Variants in SERPING1 observed in about 807,000 individuals in gnomAD.
SERPING1 encodes serpin family G member 1.
SERPING1 carries 5 observed loss-of-function variants against 34.1 expected under a neutral mutation model. The ratio of observed to expected loss-of-function variants is 0.15; its 90% confidence interval spans 0.08 to 0.31. The LOEUF is 0.31. Among genes scored for constraint, SERPING1 ranks in the 10% least tolerant of loss-of-function variants. The pLI is 1.00. For missense variants in SERPING1, 505 were observed against 609.5 expected (o/e 0.83, Z 1.81); for synonymous variants, 225 against 242.4 (o/e 0.93, Z 0.67).
At chr11:57,606,679 C>T (rs773504049) in intron 6 of SERPING1, 132 bp downstream of exon 6, 27 of 963,220 alleles carry the variant, frequency 2.8e-5, no homozygotes, top group Non-Finnish European at 4.2e-5. Context: ...TCTGTATTTC[C>T]ACCCTATCTT....
At chr11:57,597,950 A>C in intron 1 of SERPING1, 1 of 351,268 alleles carries the variant, frequency 2.8e-6, no homozygotes, top group South Asian at 5.4e-5. Context: ...CTCTGGCCTC[A>C]TTGTTTGGTT....
chr11:57,600,477 G>A (rs191513311), intron 3 of SERPING1, 100 bp downstream of exon 3: 46 of 1,317,014 alleles, frequency 3.5e-5, no homozygotes, highest in Middle Eastern at 5.1e-4. Flanking sequence ...GGAAGAAGCT[G>A]TAAAAATGGG....
rs201117780 is a variant in SERPING1, at chr11:57,600,105, A to G, written c.278A>G (p.Glu93Gly). 6.3e-7 allele frequency: 1 copy of G among 1,591,762 alleles called. No individual in the cohort carries two copies. The change falls in exon 3 of 8, where the codon GAG becomes GGG. Residue 93 changes from glutamate (E) to glycine (G), a missense_variant. By Grantham distance (98) the Glu-to-Gly change is moderately conservative. Transcript: ENST00000278407. ...TDEPTTQPTT[E>G]PTTQPTIQPT... ...GAACCCACCACACAACCCACCACAGAGCCCACCACCCAACCCACCATCCAA... is the reference window on the plus strand; with the variant it reads ...GAACCCACCACACAACCCACCACAGGGCCCACCACCCAACCCACCATCCAA...
At position 57,606,097 on chromosome 11, in the gene SERPING1, A is replaced by T. The variant is rs1240290746; in HGVS notation, c.773A>T (p.Asn258Ile). ...GTCCTAAGCAACAACAGTGACGCCA[A>T]CTTGGAGCTCATCAACACCTGGGTG... ...PRVLSNNSDANLELINTWVAK... is the reference protein window; with the variant it reads ...PRVLSNNSDAILELINTWVAK... Residue 258 changes from asparagine to isoleucine, a missense_variant, in exon 5 of 8, where the codon AAC becomes ATC. Physicochemically the swap from Asn to Ile is moderately radical, Grantham distance 149. Coordinates refer to ENST00000278407, the MANE Select transcript of SERPING1 (RefSeq NM_000062.3). 1 of 1,614,152 alleles carries T rather than the reference A, an allele frequency of 6.2e-7. No homozygotes were observed. The highest frequency in any genetic ancestry group is 8.5e-7 in the Non-Finnish European group (1 of 1,180,018).
chr11:57,611,476 G>A, intron 6 of SERPING1: 1 of 573,116 alleles, frequency 1.7e-6, no homozygotes, highest in Non-Finnish European at 3.1e-6. Flanking sequence ...CAGTGGTGGA[G>A]TCAGGGTATA....
Position 57,600,397 on chromosome 11 carries a change from C to T in SERPING1, c.550+20C>T, listed in dbSNP as rs1030500450. The T allele has an allele frequency of 1.9e-6, 3 of 1,611,896 alleles. No individual in the cohort carries two copies. Among genetic ancestry groups the T allele is most frequent in the Non-Finnish European group, 2.5e-6 (3 of 1,179,820 alleles). On this transcript the variant is annotated intron_variant, in intron 3 of 7. Transcript: ENST00000278407. ...TGCTCGGTAAGACCCTGCTTGAATT[C>T]TCTCCAGGTCATTTGTTGGACACTC...
chr11:57,598,202 T>TGGGCTCCC (rs1275325362), intron 1 of SERPING1, 47 bp from the exon 2 acceptor site: 4 of 1,481,398 alleles, frequency 2.7e-6, no homozygotes, highest in Non-Finnish European at 9.1e-7. Flanking sequence ...TGGGGGCCCC[T>TGGGCTCCC]GGGCTCCCAG....
intron 3 of SERPING1, 72 bp from the exon 4 acceptor site, chr11:57,601,963 C>T (rs980929108): frequency 1.3e-6 from 2 of 1,591,652 alleles, no homozygotes; most frequent in Non-Finnish European, 1.7e-6. Context: ...CAGCCTGGTC[C>T]CCAACCCTCA....
At chr11:57,613,085 C>T (rs1405826941) in intron 7 of SERPING1, among the ~76,000 whole-genome samples, 3 of 152,174 alleles carry the variant, frequency 2.0e-5, no homozygotes, top group South Asian at 2.1e-4. Flanking sequence ...AGCCCTGTCA[C>T]TTCATTTCTT....
chr11:57,613,025 G>T (rs1006231164), intron 7 of SERPING1, among the ~76,000 whole-genome samples: 1 of 152,202 alleles, frequency 6.6e-6, no homozygotes, highest in African/African-American at 2.4e-5. Context: ...GGGATTACAG[G>T]TGTGAGCCAC....
At chr11:57,598,028 C>T (rs1192966673) in intron 1 of SERPING1, 2 of 569,508 alleles carry the variant, frequency 3.5e-6, no homozygotes, top group Non-Finnish European at 6.4e-6. Flanking sequence ...GACCCGGGCC[C>T]ACGGGGAGAG....
At chr11:57,600,440 C>T in intron 3 of SERPING1, 63 bp downstream of exon 3, 2 of 1,571,966 alleles carry the variant, frequency 1.3e-6, no homozygotes, top group Non-Finnish European at 1.7e-6. Context: ...AGTCACCAAT[C>T]CAGACACTTA....
At chr11:57,600,817 G>T (rs1349531622) in intron 3 of SERPING1, among the ~76,000 whole-genome samples, 2 of 151,936 alleles carry the variant, frequency 1.3e-5, no homozygotes, top group Non-Finnish European at 2.9e-5. Context: ...AGGGAGTGGT[G>T]GTGCATGCCT....
rs2511989 is a variant in SERPING1, at chr11:57,610,852, C to T, written c.1030-865C>T. 0.39 allele frequency among the ~76,000 whole-genome samples: 59,005 copies of T among 152,014 alleles called. 11,774 individuals carry two copies. The highest frequency in any genetic ancestry group is 0.42 in the African/African-American group (17,411 of 41,446). The stretch of plus-strand genomic sequence containing the variant: ...TGTCCACTGAGAGGCAAATTCACTC[C>T]GAGTTGACAACCCCTGTATTAAACC... On this transcript the variant is annotated intron_variant, in intron 6 of 7. Coordinates refer to ENST00000278407, the MANE Select transcript of SERPING1 (RefSeq NM_000062.3).
intron 4 of SERPING1, among the ~76,000 whole-genome samples, chr11:57,603,621 G>A (rs1225806871): frequency 1.4e-5 from 2 of 146,444 alleles, no homozygotes; most frequent in Non-Finnish European, 1.5e-5. Context: ...GGCGGACCAC[G>A]AGGTCAGAAG....
chr11:57,608,303 TA>T (rs1468355532), intron 6 of SERPING1, among the ~76,000 whole-genome samples: 2 of 152,224 alleles, frequency 1.3e-5, no homozygotes, highest in Admixed American at 6.5e-5. Flanking sequence ...ATTTCCTCTC[TA>T]AAAATGTTTT....
At chr11:57,599,835 C>T (rs1480969984) in intron 2 of SERPING1, 44 bp from the exon 3 acceptor site, 1 of 1,613,744 alleles carries the variant, frequency 6.2e-7, no homozygotes, top group Non-Finnish European at 8.5e-7. Context: ...GAGGACTGTG[C>T]CTCGTAGTAA....
chr11:57,607,154 G>C (rs1376479210), intron 6 of SERPING1, among the ~76,000 whole-genome samples: 1 of 152,216 alleles, frequency 6.6e-6, no homozygotes, highest in East Asian at 1.9e-4. Flanking sequence ...CTATGAGACA[G>C]AAAACAGTAA....
rs1290055542 is a variant in SERPING1, at chr11:57,606,392, C to T, written c.890-16C>T. 1.9e-6 allele frequency: 3 copies of T among 1,613,972 alleles called. No homozygotes were observed. The highest frequency in any genetic ancestry group is 1.1e-5 in the South Asian group (1 of 91,076). ...CCTACCTGCATTAGAGCAACCCTCC[C>T]ACCTCTTCCCTCTAGCCAAGTGGAA... is the stretch of plus-strand genomic sequence containing the variant. On this transcript the variant is annotated splice_polypyrimidine_tract_variant and intron_variant, in intron 5 of 7. Transcript: ENST00000278407.
Sources: gnomAD v4.1 joint callset for allele counts (sites outside exome capture counted in the v4.1 genomes callset) on GRCh38, gnomAD v4.1.1 for gene constraint, MANE v1.5 for transcripts, NCBI Gene and HGNC (gene_info 2026-07-23, HGNC 2026-07-21) for gene names.